ZNF816: variants seen among roughly 807,000 people sequenced by gnomAD.
The protein encoded by ZNF816 is zinc finger protein 816A.
In ZNF816, 11 loss-of-function variants were observed where a neutral mutation model predicts 8.3. The ratio of observed to expected loss-of-function variants is 1.32; its 90% confidence interval spans 0.83 to 2.19. The LOEUF (loss-of-function observed/expected upper bound fraction) is 2.19. ZNF816 is among the 30% of genes most tolerant of loss of function. The pLI, the probability that ZNF816 is intolerant of heterozygous loss-of-function variation, is 0.00. For synonymous variants in ZNF816, 255 were observed against 254.5 expected, an observed-to-expected ratio of 1.00 and a Z score of -0.02; for missense variants, 710 against 779.3, an observed-to-expected ratio of 0.91 and a Z score of 1.06.
At chr19:52,954,968 G>C (rs189730894) in intron 2 of ZNF816, among the ~76,000 whole-genome samples, 1 of 152,158 alleles carries the variant, frequency 6.6e-6, no homozygotes, top group African/African-American at 2.4e-5. Flanking sequence ...AGGCTGGACA[G>C]GAAAGGGGAT....
At position 52,949,616 on chromosome 19, in the gene ZNF816, T is replaced by A. The variant is rs2083435875; in HGVS notation, c.*203A>T. 2 of 859,518 alleles carry A rather than the reference T, an allele frequency of 2.3e-6. No individual in the cohort carries two copies. Among genetic ancestry groups the A allele is most frequent in the East Asian group, 5.1e-5 (2 of 39,340 alleles). The allele number at this position is 859,518 out of a possible 1,614,324, so 53.2% of individuals were successfully genotyped here. ...TCCTGTATGAATTCTATGTTTTGCA[T>A]AGGATGAAGCTTGACTGAAGACCTT... On this transcript the variant is annotated 3_prime_UTR_variant, in exon 4 of 4. Coordinates refer to ENST00000444460, the MANE Select transcript of ZNF816 (RefSeq NM_001202457.3).
intron 3 of ZNF816, chr19:52,951,962 T>C (rs2083464174): frequency 2.5e-6 from 1 of 405,982 alleles, no homozygotes; most frequent in African/African-American, 2.1e-5. Context: ...AATGATGTCC[T>C]CCCTAAGAGG....
Position 52,949,877 on chromosome 19 carries a change from T to A in ZNF816, c.1898A>T (p.Gln633Leu), listed in dbSNP as rs756641580. 6.2e-7 allele frequency: 1 copy of A among 1,613,588 alleles called. No individual in the cohort carries two copies. The highest frequency in any genetic ancestry group is 1.7e-5 in the Admixed American group (1 of 59,986). Residue 633 changes from glutamine (Q) to leucine (L), a missense_variant, in exon 4 of 4, where the codon CAG becomes CTG. Transcript: ENST00000444460. ...CNECGKAFTGQSTLIHHQAIH... is the reference protein window; with the variant it reads ...CNECGKAFTGLSTLIHHQAIH... ...TGCTTGATGGTGAATAAGTGTTGAC[T>A]GTCCAGTAAAGGCTTTGCCACACTC...
chr19:52,952,710 C>G, intron 3 of ZNF816, 41 bp downstream of exon 3: 2 of 1,610,000 alleles, frequency 1.2e-6, no homozygotes, highest in Non-Finnish European at 1.7e-6. Context: ...CCAAGATAGA[C>G]AAGTGCAGAT....
chr19:52,960,293 A>T, intron 1 of ZNF816: 1 of 258,394 alleles, frequency 3.9e-6, no homozygotes, highest in Non-Finnish European at 7.6e-6. Flanking sequence ...AAAGTGTAGA[A>T]GTAACAAGTA....
chr19:52,959,685 A>G (rs913989339), intron 1 of ZNF816, among the ~76,000 whole-genome samples: 1 of 152,230 alleles, frequency 6.6e-6, no homozygotes, highest in African/African-American at 2.4e-5. Context: ...AAAGCATTAT[A>G]TAAAGAAAAG....
intron 1 of ZNF816, 30 bp from the exon 2 acceptor site, chr19:52,956,134 A>G (rs747893726): frequency 4.4e-6 from 7 of 1,590,646 alleles, no homozygotes. Context: ...GAGATTTAAT[A>G]TTTAGAAACC....
At position 52,949,931 on chromosome 19, in the gene ZNF816, T is replaced by C; in HGVS notation, c.1844A>G (p.His615Arg). 6.2e-7 allele frequency: 1 copy of C among 1,613,998 alleles called. No homozygotes were observed. The highest frequency in any genetic ancestry group is 1.1e-5 in the South Asian group (1 of 91,064). ...KASLAKHQRVHTAEKPYKCNE... is the reference protein window; with the variant it reads ...KASLAKHQRVRTAEKPYKCNE... ...ACACTTGTAAGGTTTCTCTGCAGTA[T>C]GAACTCTCTGATGTTTTGCAAGGCT... Residue 615 changes from histidine (H) to arginine (R), a missense_variant, in exon 4 of 4, where the codon CAT becomes CGT. His to Arg is a conservative substitution (Grantham distance 29, BLOSUM62 0). Coordinates refer to ENST00000444460, the MANE Select transcript of ZNF816 (RefSeq NM_001202457.3).
chr19:52,950,179 A>G lies in ZNF816; in HGVS notation c.1596T>C (p.Thr532=), dbSNP rs1334294108. 2.5e-6 allele frequency: 4 copies of G among 1,614,044 alleles called. No individual in the cohort carries two copies. Among genetic ancestry groups the G allele is most frequent in the Non-Finnish European group, 3.4e-6 (4 of 1,179,978 alleles). ...SHLERHRRIH[T]GEKPYKCKVC... ...CCTTACATTTGTATGGTTTTTCCCCAGTATGAATTCTCCTATGTCTTTCAA... is the reference window on the plus strand; with the variant it reads ...CCTTACATTTGTATGGTTTTTCCCCGGTATGAATTCTCCTATGTCTTTCAA... Residue 532 remains threonine (T), a synonymous_variant, in exon 4 of 4, where the codon ACT becomes ACC. Coordinates refer to ENST00000444460, the MANE Select transcript of ZNF816 (RefSeq NM_001202457.3).
At chr19:52,952,933 C>T in intron 2 of ZNF816, 56 bp from the exon 3 acceptor site, 3 of 1,540,704 alleles carry the variant, frequency 1.9e-6, no homozygotes, top group Non-Finnish European at 1.7e-6. Flanking sequence ...TTATTGCCCT[C>T]ACGTGAAATG....
At chr19:52,955,019 A>G (rs965533456) in intron 2 of ZNF816, among the ~76,000 whole-genome samples, 5 of 152,084 alleles carry the variant, frequency 3.3e-5, no homozygotes, top group Admixed American at 1.3e-4. Flanking sequence ...TACACAACAC[A>G]TATATACATC....
Position 52,952,867 on chromosome 19 carries a change from G to A in ZNF816, c.74C>T (p.Thr25Ile). Residue 25 changes from threonine to isoleucine, a missense_variant, in exon 3 of 4, where the codon ACT (threonine) becomes ATT (isoleucine). Transcript: ENST00000444460. Reference protein sequence around the residue: ...PGMALPQGRLTFRDVAIEFSL... With the variant: ...PGMALPQGRLIFRDVAIEFSL... Reference sequence around the variant, plus strand: ...GAACTCTATAGCCACATCCCTGAAAGTCAAGCGTCCCTAAAATAAAAAACA... The same window carrying A: ...GAACTCTATAGCCACATCCCTGAAAATCAAGCGTCCCTAAAATAAAAAACA... 1.3e-6 allele frequency: 2 copies of A among 1,598,392 alleles called. No homozygotes were observed. Among genetic ancestry groups the A allele is most frequent in the Non-Finnish European group, 1.7e-6 (2 of 1,175,540 alleles).
intron 2 of ZNF816, chr19:52,953,430 A>C (rs1331470357): frequency 7.0e-6 from 1 of 143,768 alleles, no homozygotes; most frequent in African/African-American, 2.8e-5. Flanking sequence ...ATACACACAT[A>C]CACATATGTT....
intron 1 of ZNF816, among the ~76,000 whole-genome samples, chr19:52,959,148 CAGA>C (rs1568440696): frequency 1.3e-5 from 2 of 152,322 alleles, no homozygotes; most frequent in Admixed American, 6.5e-5. Flanking sequence ...GCCCTGCTGG[CAGA>C]AGAAGCAGAT....
chr19:52,953,325 G>A (rs1214597884), intron 2 of ZNF816: 3 of 340,130 alleles, frequency 8.8e-6, no homozygotes, highest in Admixed American at 6.2e-5. Flanking sequence ...AACAAGAGAC[G>A]AATGTTGCAG....
chr19:52,952,973 C>T, intron 2 of ZNF816, 96 bp from the exon 3 acceptor site: 1 of 1,488,224 alleles, frequency 6.7e-7, no homozygotes. Context: ...TTGATTTGAT[C>T]CAAGACTGTG....
chr19:52,954,772 C>T (rs936328074), intron 2 of ZNF816, among the ~76,000 whole-genome samples: 9 of 143,960 alleles, frequency 6.3e-5, no homozygotes, highest in Non-Finnish European at 1.2e-4. Context: ...TGCAATGTGC[C>T]ACTACACTCC....
intron 1 of ZNF816, among the ~76,000 whole-genome samples, chr19:52,962,203 T>A (rs572684197): frequency 6.6e-6 from 1 of 152,150 alleles, no homozygotes; most frequent in Admixed American, 6.5e-5. Context: ...TATACTATAC[T>A]AGTCCAGGCA....
At position 52,957,689 on chromosome 19, in the gene ZNF816, C is replaced by T. The variant is rs2083521924; in HGVS notation, c.-15-1585G>A. ...AAAAAGACTATTGTTATAATCGGAG[C>T]CATGGGAGTTTTATCAAAGCAAGCT... is the stretch of plus-strand genomic sequence containing the variant. On this transcript the variant is annotated intron_variant, in intron 1 of 3. Transcript: ENST00000444460. This position sits in a 1 kb window ranked among gnomAD's most constrained non-coding sequence, Gnocchi z 4.6. Among the ~76,000 whole-genome samples, 1 of 152,160 alleles carries T rather than the reference C, an allele frequency of 6.6e-6. No homozygotes were observed. The highest frequency in any genetic ancestry group is 1.5e-5 in the Non-Finnish European group (1 of 68,032).
Sources: allele counts gnomAD v4.1 joint callset (sites outside exome capture counted in the v4.1 genomes callset), GRCh38; gene constraint gnomAD v4.1.1; non-coding constraint Gnocchi (gnomAD v3.1); transcripts MANE v1.5; gene names NCBI Gene and HGNC (gene_info 2026-07-23, HGNC 2026-07-21).